The following CNTN6 variants were observed in gnomAD, a reference collection of about 807,000 sequenced individuals.
The protein encoded by CNTN6 is contactin 6.
In CNTN6, 137 loss-of-function variants were observed where a neutral mutation model predicts 122.8. The observed-to-expected ratio is 1.12, with a 90% confidence interval of 0.97 to 1.29. The LOEUF (loss-of-function observed/expected upper bound fraction) is 1.29, where lower values mean the gene tolerates loss of function less well. CNTN6 is among the 50% of genes most tolerant of loss of function. The pLI is 0.00. For missense variants in CNTN6, 1,634 were observed against 1,223.4 expected, an observed-to-expected ratio of 1.34 and a Z score of -5.01; for synonymous variants, 570 against 426.0, an observed-to-expected ratio of 1.34 and a Z score of -4.16.
chr3:1,367,826 G>A (rs575482344), intron 12 of CNTN6, among the ~76,000 whole-genome samples: 12 of 152,258 alleles, frequency 7.9e-5, no homozygotes, highest in Admixed American at 1.3e-4. Context: ...CCATAGAAAC[G>A]GCAGTGGATG....
intron 22 of CNTN6, 105 bp from the exon 23 acceptor site, chr3:1,403,213 G>A (rs1253569061): frequency 4.6e-6 from 3 of 647,064 alleles, no homozygotes; most frequent in South Asian, 4.1e-5. Context: ...AATAAAATAT[G>A]TTACTAGAAG....
At chr3:1,254,367 A>G (rs1033000147) in intron 4 of CNTN6, among the ~76,000 whole-genome samples, 3 of 152,204 alleles carry the variant, frequency 2.0e-5, no homozygotes, top group Non-Finnish European at 4.4e-5. Flanking sequence ...CCATATTTCT[A>G]CGTGTTTACT....
intron 1 of CNTN6, among the ~76,000 whole-genome samples, chr3:1,099,338 C>T (rs889697794): frequency 7.2e-5 from 11 of 151,766 alleles, no homozygotes; most frequent in East Asian, 1.9e-4. Context: ...GTAGTCCCAG[C>T]TACTGGGGAG....
intron 2 of CNTN6, 45 bp downstream of exon 2, chr3:1,148,108 G>T: frequency 6.8e-7 from 1 of 1,461,678 alleles, no homozygotes; most frequent in Non-Finnish European, 9.5e-7. Context: ...AAATATATTG[G>T]CATTGTATTT....
At chr3:1,253,361 C>T (rs1035304573) in intron 4 of CNTN6, among the ~76,000 whole-genome samples, 9 of 152,152 alleles carry the variant, frequency 5.9e-5, no homozygotes, top group African/African-American at 1.7e-4. Flanking sequence ...AACAGTCTTT[C>T]ACCCTTTTCC....
intron 5 of CNTN6, among the ~76,000 whole-genome samples, chr3:1,292,947 T>C (rs1472971632): frequency 6.6e-6 from 1 of 151,508 alleles, no homozygotes; most frequent in Non-Finnish European, 1.5e-5. Flanking sequence ...ACATGCTTTT[T>C]ACCTAACAAT....
intron 3 of CNTN6, among the ~76,000 whole-genome samples, chr3:1,225,767 G>C (rs73816596): frequency 0.17 from 24,853 of 148,782 alleles, 3,722 homozygotes; most frequent in African/African-American, 0.4. Context: ...AATTCCTCTA[G>C]AAAAAAATGA....
intron 7 of CNTN6, among the ~76,000 whole-genome samples, chr3:1,309,611 T>C (rs1698918256): frequency 1.3e-5 from 2 of 152,204 alleles, no homozygotes; most frequent in African/African-American, 2.4e-5. Context: ...TTTTGTTTTG[T>C]TTTGCTTTCC....
intron 1 of CNTN6, among the ~76,000 whole-genome samples, chr3:1,110,731 GT>G (rs1363956422): frequency 6.6e-6 from 1 of 152,072 alleles, no homozygotes; most frequent in Non-Finnish European, 1.5e-5. Context: ...TGTCAGGATT[GT>G]GATTGAGATG....
chr3:1,236,362 G>A lies in CNTN6; in HGVS notation c.358+8369G>A, dbSNP rs565760705. Among the ~76,000 whole-genome samples the A allele has an allele frequency of 2.0e-5, 3 of 152,254 alleles. No individual in the cohort carries two copies. In the South Asian group the frequency reaches 6.2e-4, roughly 32 times the overall value. On this transcript the variant is annotated intron_variant, in intron 4 of 22. Coordinates refer to ENST00000446702, the MANE Select transcript of CNTN6 (RefSeq NM_001289080.2). ...CTCCCCTACTACCTCCACCAGAGCA[G>A]GTGGTGGTATCCACAGCTGCAAGAC...
chr3:1,323,493 T>C (rs1414715376), intron 8 of CNTN6, among the ~76,000 whole-genome samples: 1 of 151,810 alleles, frequency 6.6e-6, no homozygotes, highest in African/African-American at 2.4e-5. Context: ...ATTCACTTTC[T>C]GAAGTGCTTT....
chr3:1,311,430 T>C (rs265810), intron 7 of CNTN6, among the ~76,000 whole-genome samples: 4,728 of 61,250 alleles, frequency 0.077, 33 homozygotes, highest in African/African-American at 0.15. Context: ...TATGTACATA[T>C]ATGTACATAT....
At chr3:1,329,303 C>T (rs1399643926) in intron 10 of CNTN6, among the ~76,000 whole-genome samples, 1 of 151,284 alleles carries the variant, frequency 6.6e-6, no homozygotes, top group African/African-American at 2.4e-5. Flanking sequence ...CATGTATGAT[C>T]ATTGTTTTGG....
intron 1 of CNTN6, among the ~76,000 whole-genome samples, chr3:1,131,913 A>G (rs2092346310): frequency 6.6e-6 from 1 of 152,074 alleles, no homozygotes; most frequent in South Asian, 2.1e-4. Context: ...TTCAGATTAG[A>G]TGTTTGAAAG....
intron 16 of CNTN6, among the ~76,000 whole-genome samples, chr3:1,375,184 C>T (rs1709684312): frequency 6.6e-6 from 1 of 152,096 alleles, no homozygotes; most frequent in Admixed American, 6.6e-5. Flanking sequence ...TTGTCCATGA[C>T]TCTGGATATG....
At chr3:1,379,291 A>C (rs1710320182) in intron 17 of CNTN6, among the ~76,000 whole-genome samples, 1 of 152,210 alleles carries the variant, frequency 6.6e-6, no homozygotes, top group South Asian at 2.1e-4. Context: ...TGTTTTGATA[A>C]ATAAATCCAC....
At position 1,380,473 on chromosome 3, in the gene CNTN6, C is replaced by T. The variant is rs74643428; in HGVS notation, c.2167-2469C>T. On this transcript the variant is annotated intron_variant, in intron 17 of 22. Coordinates refer to ENST00000446702, the MANE Select transcript of CNTN6 (RefSeq NM_001289080.2). ...ACATTATTTTATCATAATGTGTATACTCCCAAATACTTCCAGGTTTGAGGT... is the reference window on the plus strand; with the variant it reads ...ACATTATTTTATCATAATGTGTATATTCCCAAATACTTCCAGGTTTGAGGT... Among the ~76,000 whole-genome samples the T allele has an allele frequency of 4.4e-3, 677 of 152,224 alleles. 3 individuals carry two copies. The highest frequency in any genetic ancestry group is 8.0e-3 in the Non-Finnish European group (541 of 68,014).
intron 2 of CNTN6, among the ~76,000 whole-genome samples, chr3:1,152,237 C>T (rs1559407252): frequency 6.6e-6 from 1 of 151,910 alleles, no homozygotes; most frequent in African/African-American, 2.4e-5. Context: ...CTCCTGGGTT[C>T]ATACAATTCT....
At chr3:1,291,624 C>G (rs1008609380) in intron 5 of CNTN6, among the ~76,000 whole-genome samples, 2 of 152,140 alleles carry the variant, frequency 1.3e-5, no homozygotes, top group Non-Finnish European at 2.9e-5. Flanking sequence ...GATGAGGAGT[C>G]AATGACAACA....
Sources: gnomAD v4.1 joint callset for allele counts (sites outside exome capture counted in the v4.1 genomes callset) on GRCh38, gnomAD v4.1.1 for gene constraint, MANE v1.5 for transcripts, NCBI Gene and HGNC (gene_info 2026-07-23, HGNC 2026-07-21) for gene names.